Variants in AKAP6 observed in about 807,000 individuals in gnomAD.
AKAP6 encodes the protein A-kinase anchor protein 6.
Under a neutral mutation model 188.5 loss-of-function variants are expected in AKAP6, and 58 were observed. The observed-to-expected ratio is 0.31, with a 90% CI of 0.25 to 0.38. The LOEUF (loss-of-function observed/expected upper bound fraction) is 0.38, where lower values mean the gene tolerates loss of function less well. Ranked by LOEUF, AKAP6 falls within the 10% of genes least tolerant of loss-of-function variation. The pLI, the probability that AKAP6 is intolerant of heterozygous loss-of-function variation, is 1.00. For synonymous variants in AKAP6, 989 were observed against 998.6 expected (o/e 0.99, Z 0.18); for missense variants, 2,710 against 2,740.0 (o/e 0.99, Z 0.24).
chr14:32,822,697 A>C lies in AKAP6; in HGVS notation c.4884A>C (p.Leu1628=), dbSNP rs200418246. ...ISVSSGSVGE[L]SKRTLDLLNR... Reference sequence around the variant, plus strand: ...TGAGCAGTGGCTCAGTTGGTGAACTAAGTAAAAGAACATTAGATCTCCTGA... The same window carrying C: ...TGAGCAGTGGCTCAGTTGGTGAACTCAGTAAAAGAACATTAGATCTCCTGA... The change falls in exon 13 of 14, where the codon CTA becomes CTC. Residue 1628 remains leucine, a synonymous_variant. Transcript: ENST00000280979. 4 of 1,613,988 alleles carry C rather than the reference A, an allele frequency of 2.5e-6. No individual in the cohort carries two copies.
intron 12 of AKAP6, among the ~76,000 whole-genome samples, chr14:32,817,451 C>CTGTGTG (rs5807685): frequency 2.6e-4 from 38 of 144,678 alleles, no homozygotes; most frequent in African/African-American, 8.9e-4. Flanking sequence ...ATCTGTATAG[C>CTGTGTG]TGTGTGTGTG....
chr14:32,827,999 G>A (rs1016185173), intron 13 of AKAP6, among the ~76,000 whole-genome samples: 2 of 152,026 alleles, frequency 1.3e-5, no homozygotes, highest in Non-Finnish European at 2.9e-5. Context: ...TGGGGGGTGG[G>A]TTGAGGAGCT....
At chr14:32,580,549 CATTTT>C (rs982389072) in intron 5 of AKAP6, among the ~76,000 whole-genome samples, 2 of 151,956 alleles carry the variant, frequency 1.3e-5, no homozygotes, top group Non-Finnish European at 2.9e-5. Context: ...TCACACTCTT[CATTTT>C]ATTTTATTAT....
chr14:32,812,295 C>A (rs2300858), intron 12 of AKAP6, among the ~76,000 whole-genome samples: 9,302 of 152,214 alleles, frequency 0.061, 363 homozygotes, highest in South Asian at 0.21. Context: ...TGTTATTTTT[C>A]TCTTGAACTT....
intron 1 of AKAP6, among the ~76,000 whole-genome samples, chr14:32,389,429 G>T (rs1379513153): frequency 1.3e-5 from 2 of 151,476 alleles, no homozygotes; most frequent in Non-Finnish European, 2.9e-5. Flanking sequence ...TTGTATTTTT[G>T]TTTTATAGGT....
At chr14:32,541,786 T>C (rs1402044864) in intron 3 of AKAP6, among the ~76,000 whole-genome samples, 2 of 152,204 alleles carry the variant, frequency 1.3e-5, no homozygotes, top group Non-Finnish European at 2.9e-5. Context: ...TGCTTTTGAA[T>C]TGGGAATCTC....
intron 7 of AKAP6, among the ~76,000 whole-genome samples, chr14:32,662,288 A>G (rs1208762441): frequency 3.3e-5 from 5 of 152,102 alleles, no homozygotes; most frequent in Admixed American, 2.0e-4. Context: ...TTAAAAAAAT[A>G]CACTTCTCTC....
intron 9 of AKAP6, among the ~76,000 whole-genome samples, chr14:32,708,904 C>T (rs1042014113): frequency 5.3e-5 from 8 of 151,970 alleles, no homozygotes; most frequent in African/African-American, 1.9e-4. Flanking sequence ...CCTCCTCTTC[C>T]TCACTCTCAT....
At chr14:32,732,855 A>G (rs2031246310) in intron 10 of AKAP6, 15 of 602,838 alleles carry the variant, frequency 2.5e-5, no homozygotes, top group Non-Finnish European at 4.4e-5. Context: ...TAAGTAAAAT[A>G]TGCCATGTAT....
At chr14:32,709,034 C>T (rs1019050294) in intron 9 of AKAP6, among the ~76,000 whole-genome samples, 3 of 152,006 alleles carry the variant, frequency 2.0e-5, no homozygotes, top group African/African-American at 7.2e-5. Flanking sequence ...GAAATATTTT[C>T]TGTAACTTGG....
chr14:32,734,709 T>C (rs1394965126), intron 10 of AKAP6: 1 of 152,100 alleles, frequency 6.6e-6, no homozygotes, highest in Non-Finnish European at 1.5e-5. Flanking sequence ...CTTCAAATTA[T>C]CAGTATTTTC....
At chr14:32,333,645 T>G (rs1886600618) in intron 1 of AKAP6, among the ~76,000 whole-genome samples, 1 of 151,602 alleles carries the variant, frequency 6.6e-6, no homozygotes, top group Non-Finnish European at 1.5e-5. Flanking sequence ...AATAATAACT[T>G]TTTTTTTTCT....
intron 4 of AKAP6, among the ~76,000 whole-genome samples, chr14:32,574,981 T>G (rs1884654854): frequency 6.6e-6 from 1 of 152,150 alleles, no homozygotes; most frequent in Non-Finnish European, 1.5e-5. Context: ...TGTACACATC[T>G]GAAGGGATCT....
chr14:32,451,655 A>T (rs1454952612), intron 2 of AKAP6, among the ~76,000 whole-genome samples: 1 of 152,176 alleles, frequency 6.6e-6, no homozygotes, highest in African/African-American at 2.4e-5. Flanking sequence ...CAAAACATTT[A>T]ATATTTTTTA....
At position 32,546,782 on chromosome 14, in the gene AKAP6, A is replaced by T. The variant is rs200096143; in HGVS notation, c.2129A>T (p.Glu710Val). The T allele has an allele frequency of 1.2e-6, 2 of 1,614,168 alleles. No individual in the cohort carries two copies. The highest frequency in any genetic ancestry group is 2.2e-5 in the East Asian group (1 of 44,874). ...SSSDIASSLGESIESGPLSDI... is the reference protein window; with the variant it reads ...SSSDIASSLGVSIESGPLSDI... Reference sequence around the variant, plus strand: ...AGTGACATAGCCTCTTCACTAGGGGAGAGCATTGAATCTGGGCCCCTGAGT... The same window carrying T: ...AGTGACATAGCCTCTTCACTAGGGGTGAGCATTGAATCTGGGCCCCTGAGT... The change falls in exon 4 of 14, where the codon GAG becomes GTG. Residue 710 changes from glutamate to valine, a missense_variant. Coordinates refer to ENST00000280979, the MANE Select transcript of AKAP6 (RefSeq NM_004274.5).
intron 7 of AKAP6, among the ~76,000 whole-genome samples, chr14:32,623,060 A>G (rs1185430650): frequency 3.3e-5 from 5 of 152,092 alleles, no homozygotes; most frequent in Non-Finnish European, 5.9e-5. Context: ...ACACTATCCT[A>G]TGATTCCTGG....
intron 2 of AKAP6, chr14:32,438,720 A>T (rs1890470229): frequency 6.6e-6 from 1 of 152,200 alleles, no homozygotes. Context: ...AGCTGAACCA[A>T]ATTTAGAATC....
intron 12 of AKAP6, among the ~76,000 whole-genome samples, chr14:32,810,012 C>T (rs1232609001): frequency 1.3e-5 from 2 of 152,174 alleles, no homozygotes; most frequent in African/African-American, 4.8e-5. Flanking sequence ...GCAAGCAAAG[C>T]AGAGATATTC....
intron 8 of AKAP6, among the ~76,000 whole-genome samples, chr14:32,687,695 C>T (rs1889996942): frequency 6.6e-6 from 1 of 152,102 alleles, no homozygotes; most frequent in Non-Finnish European, 1.5e-5. Flanking sequence ...CTTCCCTTGA[C>T]TCTTGCCTTA....
Sources: gnomAD v4.1 joint callset for allele counts (sites outside exome capture counted in the v4.1 genomes callset) on GRCh38, gnomAD v4.1.1 for gene constraint, MANE v1.5 for transcripts, NCBI Gene and HGNC (gene_info 2026-07-23, HGNC 2026-07-21) for gene names.